The following CHCHD3 variants were observed in gnomAD, a reference collection of about 807,000 sequenced individuals.
CHCHD3 encodes coiled-coil-helix-coiled-coil-helix domain containing 3.
In CHCHD3, 20 loss-of-function variants were observed where a neutral mutation model predicts 38.2. The ratio of observed to expected loss-of-function variants is 0.52; its 90% CI spans 0.37 to 0.76. CHCHD3 has a LOEUF of 0.76. CHCHD3 is among the 30% of genes least tolerant of loss of function. The probability of loss-of-function intolerance (pLI) is 0.00; values close to 1 mark genes in which losing one functional copy is unlikely to be tolerated. For missense variants in CHCHD3, 245 were observed against 279.2 expected, an observed-to-expected ratio of 0.88 and a Z score of 0.87; for synonymous variants, 82 against 100.0, an observed-to-expected ratio of 0.82 and a Z score of 1.07.
At chr7:132,947,195 A>T (rs1485639178) in intron 4 of CHCHD3, among the ~76,000 whole-genome samples, 3 of 152,130 alleles carry the variant, frequency 2.0e-5, no homozygotes, top group Non-Finnish European at 4.4e-5. Flanking sequence ...CTTTAAATTT[A>T]TTATTATCAT....
At chr7:132,848,379 G>A (rs1054014043) in intron 5 of CHCHD3, among the ~76,000 whole-genome samples, 4 of 152,158 alleles carry the variant, frequency 2.6e-5, no homozygotes, top group Admixed American at 2.6e-4. Context: ...TTTCCCAAAG[G>A]TGAGAGTTAA....
intron 4 of CHCHD3, among the ~76,000 whole-genome samples, chr7:132,964,270 G>A (rs1342703328): frequency 2.6e-5 from 4 of 152,098 alleles, no homozygotes; most frequent in African/African-American, 9.7e-5. Flanking sequence ...CCGCACAAAT[G>A]AAGACTTTAT....
intron 3 of CHCHD3, among the ~76,000 whole-genome samples, chr7:132,989,431 G>C (rs955621785): frequency 6.6e-6 from 1 of 150,608 alleles, no homozygotes; most frequent in Non-Finnish European, 1.5e-5. Flanking sequence ...ATAACTGAAA[G>C]CCTAGGACTA....
At chr7:132,841,085 A>C (rs1807928326) in intron 5 of CHCHD3, among the ~76,000 whole-genome samples, 1 of 152,242 alleles carries the variant, frequency 6.6e-6, no homozygotes, top group Non-Finnish European at 1.5e-5. Context: ...AGTCCCCAGG[A>C]GGTAACATCA....
intron 3 of CHCHD3, among the ~76,000 whole-genome samples, chr7:132,996,816 AAC>A (rs1812430307): frequency 6.6e-6 from 1 of 152,180 alleles, no homozygotes; most frequent in African/African-American, 2.4e-5. Flanking sequence ...CAAGAAGAAA[AAC>A]ACCGTGGGGT....
chr7:132,803,677 A>G (rs1344512018), intron 6 of CHCHD3, among the ~76,000 whole-genome samples: 1 of 151,874 alleles, frequency 6.6e-6, no homozygotes, highest in Non-Finnish European at 1.5e-5. Flanking sequence ...CCAAAACAGA[A>G]GGAAGACAGG....
At chr7:132,938,084 A>T (rs983769902) in intron 4 of CHCHD3, among the ~76,000 whole-genome samples, 3 of 152,214 alleles carry the variant, frequency 2.0e-5, no homozygotes, top group African/African-American at 7.2e-5. Flanking sequence ...ACTTATGAAA[A>T]TTTATGATAT....
chr7:132,832,351 T>G (rs1247649251), intron 6 of CHCHD3, among the ~76,000 whole-genome samples: 4 of 151,864 alleles, frequency 2.6e-5, no homozygotes, highest in African/African-American at 9.7e-5. Flanking sequence ...CACAAAGGAG[T>G]ATTACTGGTA....
At chr7:133,002,464 T>C (rs1812599329) in intron 3 of CHCHD3, among the ~76,000 whole-genome samples, 1 of 152,140 alleles carries the variant, frequency 6.6e-6, no homozygotes, top group Non-Finnish European at 1.5e-5. Context: ...TAGGTGGGTT[T>C]GATATTTGCT....
intron 3 of CHCHD3, among the ~76,000 whole-genome samples, chr7:133,008,239 TAAG>T (rs1201241606): frequency 2.6e-5 from 4 of 152,128 alleles, no homozygotes; most frequent in Non-Finnish European, 5.9e-5. Context: ...AGGGATCAAG[TAAG>T]AAGATTTCCT....
intron 5 of CHCHD3, among the ~76,000 whole-genome samples, chr7:132,873,563 G>A (rs1054020029): frequency 3.3e-5 from 5 of 151,816 alleles, no homozygotes; most frequent in Admixed American, 3.3e-4. Context: ...ACAGGCGGGT[G>A]CCAATGGTGG....
chr7:132,907,667 T>C (rs1236273165), intron 4 of CHCHD3, among the ~76,000 whole-genome samples: 1 of 152,044 alleles, frequency 6.6e-6, no homozygotes, highest in Admixed American at 6.6e-5. Context: ...CTGTAGGCCA[T>C]GGGGGGGCCG....
intron 3 of CHCHD3, among the ~76,000 whole-genome samples, chr7:133,004,410 G>C (rs1344008637): frequency 6.6e-6 from 1 of 152,192 alleles, no homozygotes; most frequent in Non-Finnish European, 1.5e-5. Flanking sequence ...CAAAAGATAG[G>C]ACTGACTGCA....
intron 5 of CHCHD3, among the ~76,000 whole-genome samples, chr7:132,842,112 T>A (rs1042586638): frequency 2.8e-4 from 42 of 151,194 alleles, no homozygotes; most frequent in East Asian, 1.2e-3. Context: ...AAAAAAAAAA[T>A]TTTTTTTAAT....
In CHCHD3 at chr7:133,011,987, C is replaced by A. The variant is rs116452357; in HGVS notation, c.251+12559G>T. On this transcript the variant is annotated intron_variant, in intron 3 of 7. Coordinates refer to ENST00000262570, the MANE Select transcript of CHCHD3 (RefSeq NM_017812.4). ...CCACCCAGGCTGGAGTGCAATGGCG[C>A]AATCTCGGCTCACTGCAACCTCAGA... 2.3e-3 allele frequency among the ~76,000 whole-genome samples: 348 copies of A among 152,210 alleles called. 2 individuals are homozygous for A. Among genetic ancestry groups the A allele is most frequent in the African/African-American group, 7.8e-3 (322 of 41,514 alleles).
intron 2 of CHCHD3, among the ~76,000 whole-genome samples, chr7:133,067,424 G>C (rs1814700807): frequency 6.6e-6 from 1 of 152,082 alleles, no homozygotes; most frequent in Non-Finnish European, 1.5e-5. Context: ...TAAGCAAAAA[G>C]ATACACGTCA....
intron 5 of CHCHD3, among the ~76,000 whole-genome samples, chr7:132,865,249 C>G (rs536540304): frequency 1.3e-5 from 2 of 152,322 alleles, no homozygotes; most frequent in African/African-American, 4.8e-5. Flanking sequence ...CTGTACCTAA[C>G]TGCTGCCATC....
chr7:133,012,060 T>C (rs1276644388), intron 3 of CHCHD3, among the ~76,000 whole-genome samples: 2 of 152,208 alleles, frequency 1.3e-5, no homozygotes, highest in African/African-American at 4.8e-5. Flanking sequence ...AACTTTCTGT[T>C]ACCCGCAATT....
At chr7:132,851,507 CCA>C (rs923704489) in intron 5 of CHCHD3, among the ~76,000 whole-genome samples, 3 of 152,192 alleles carry the variant, frequency 2.0e-5, no homozygotes, top group African/African-American at 7.2e-5. Context: ...TATCAGTCAT[CCA>C]CACTCACCTT....
Sources: gnomAD v4.1 joint callset for allele counts (sites outside exome capture counted in the v4.1 genomes callset) on GRCh38, gnomAD v4.1.1 for gene constraint, MANE v1.5 for transcripts, NCBI Gene and HGNC (gene_info 2026-07-23, HGNC 2026-07-21) for gene names.